PLCXD2: variants seen among roughly 807,000 people sequenced by gnomAD.
The protein encoded by PLCXD2 is PI-PLC X domain-containing protein 2.
Under a neutral mutation model 28.6 loss-of-function variants are expected in PLCXD2, and 21 were observed. The ratio of observed to expected loss-of-function variants is 0.73; its 90% CI spans 0.52 to 1.06. The LOEUF (loss-of-function observed/expected upper bound fraction) is 1.06. PLCXD2 is among the 50% of genes least tolerant of loss of function. The pLI is 0.00. For synonymous variants in PLCXD2, 140 were observed against 150.1 expected, an observed-to-expected ratio of 0.93 and a Z score of 0.49; for missense variants, 369 against 376.7, an observed-to-expected ratio of 0.98 and a Z score of 0.17.
At chr3:111,699,677 C>T (rs1053177616) in intron 1 of PLCXD2, among the ~76,000 whole-genome samples, 4 of 152,148 alleles carry the variant, frequency 2.6e-5, no homozygotes, top group South Asian at 2.1e-4. Flanking sequence ...TCTCTCTTCC[C>T]GTGTGACTTT....
At chr3:111,696,433 G>T (rs1460721758) in intron 1 of PLCXD2, among the ~76,000 whole-genome samples, 2 of 152,030 alleles carry the variant, frequency 1.3e-5, no homozygotes, top group Non-Finnish European at 2.9e-5. Context: ...AATTTGCCTA[G>T]AATTTTTTTT....
intron 1 of PLCXD2, among the ~76,000 whole-genome samples, chr3:111,681,693 A>T (rs1940717662): frequency 6.6e-6 from 1 of 152,174 alleles, no homozygotes; most frequent in South Asian, 2.1e-4. Flanking sequence ...CCAGTCATAA[A>T]TATCTTGCAA....
chr3:111,700,422 C>T (rs1417866293), intron 1 of PLCXD2, among the ~76,000 whole-genome samples: 1 of 152,020 alleles, frequency 6.6e-6, no homozygotes, highest in Non-Finnish European at 1.5e-5. Flanking sequence ...TAAAATTAGT[C>T]CTATGCATAT....
chr3:111,684,522 C>A (rs970753725), intron 1 of PLCXD2, among the ~76,000 whole-genome samples: 1 of 151,724 alleles, frequency 6.6e-6, no homozygotes, highest in African/African-American at 2.4e-5. Flanking sequence ...GGCATGATGG[C>A]GGGCGTCTGT....
chr3:111,697,290 A>G (rs1306326736), intron 1 of PLCXD2, among the ~76,000 whole-genome samples: 1 of 152,198 alleles, frequency 6.6e-6, no homozygotes, highest in Non-Finnish European at 1.5e-5. Flanking sequence ...GCTGTGCATT[A>G]GCGCTCTCAA....
rs72939585 is a variant in PLCXD2 at position 111,698,916 on chromosome 3, A to G, written c.164-9010A>G. On this transcript the variant is annotated intron_variant, in intron 1 of 4. Transcript: ENST00000477665. ...ACTCAGATGTATCTGTACTTTGTAC[A>G]TAGAAGAATAAGATTTTTCACTCCC... Among the ~76,000 whole-genome samples, 1,440 of 152,286 alleles carry G rather than the reference A, an allele frequency of 9.5e-3. 35 individuals carry two copies. Among genetic ancestry groups the G allele is most frequent in the African/African-American group, 0.032 (1,342 of 41,562 alleles).
chr3:111,675,115 C>T lies in PLCXD2; in HGVS notation c.-131C>T, dbSNP rs1267352989. 6.3e-6 allele frequency: 7 copies of T among 1,111,792 alleles called. No individual in the cohort carries two copies. In the African/African-American group the frequency reaches 9.4e-5, roughly 15 times the overall value. The allele number at this position is 1,111,792 out of a possible 1,614,324, so 68.9% of individuals were successfully genotyped here. ...AAGGATCCATCTGTTTGCCCCGTCC[C>T]CCAGCCAGAAAGGCATTTTGGAAAG... On this transcript the variant is annotated 5_prime_UTR_variant, in exon 1 of 5. Coordinates refer to ENST00000477665, the MANE Select transcript of PLCXD2 (RefSeq NM_001185106.1).
intron 1 of PLCXD2, 44 bp from the exon 2 acceptor site, chr3:111,707,882 G>A (rs759150806): frequency 1.3e-6 from 2 of 1,522,564 alleles, no homozygotes; most frequent in Admixed American, 4.2e-5. Flanking sequence ...ATTTTTCCCA[G>A]CTCCCGTCTC....
intron 1 of PLCXD2, among the ~76,000 whole-genome samples, chr3:111,676,351 C>T (rs1201284907): frequency 3.3e-5 from 5 of 152,114 alleles, no homozygotes; most frequent in Non-Finnish European, 7.4e-5. Context: ...CCAAGTATTC[C>T]CTAGACCCGT....
intron 1 of PLCXD2, among the ~76,000 whole-genome samples, chr3:111,677,692 G>A (rs1308113176): frequency 6.6e-6 from 1 of 152,204 alleles, no homozygotes; most frequent in Admixed American, 6.5e-5. Flanking sequence ...GCAAAACCCA[G>A]GCACTGTCTC....
At chr3:111,692,296 G>A (rs1056189234) in intron 1 of PLCXD2, among the ~76,000 whole-genome samples, 17 of 152,330 alleles carry the variant, frequency 1.1e-4, no homozygotes, top group African/African-American at 4.1e-4. Context: ...GCCCGCCTCG[G>A]CCTCCCAAAG....
chr3:111,725,809 AC>A (rs1342806759), intron 3 of PLCXD2: 2 of 398,464 alleles, frequency 5.0e-6, no homozygotes, highest in Non-Finnish European at 8.8e-6. Context: ...AAGCCCATCA[AC>A]AGTCTAGAGG....
chr3:111,702,965 A>G (rs553229024), intron 1 of PLCXD2, among the ~76,000 whole-genome samples: 2 of 152,226 alleles, frequency 1.3e-5, no homozygotes, highest in Admixed American at 1.3e-4. Flanking sequence ...GAATGGGGGG[A>G]CATTGTTAGC....
chr3:111,702,544 A>G (rs887040991), intron 1 of PLCXD2, among the ~76,000 whole-genome samples: 2 of 152,236 alleles, frequency 1.3e-5, no homozygotes, highest in African/African-American at 2.4e-5. Context: ...TAAAGAAGCC[A>G]TAGAGAGAGG....
chr3:111,714,792 G>A (rs865955716), intron 3 of PLCXD2, among the ~76,000 whole-genome samples: 17 of 152,296 alleles, frequency 1.1e-4, no homozygotes, highest in African/African-American at 4.1e-4. Context: ...ATATATGTGA[G>A]TGTGTGTATG....
chr3:111,726,011 C>T, intron 3 of PLCXD2: 1 of 396,404 alleles, frequency 2.5e-6, no homozygotes, highest in Middle Eastern at 6.3e-4. Context: ...TTACTCTTTT[C>T]AAATGCATTA....
At chr3:111,697,378 T>C (rs1163546202) in intron 1 of PLCXD2, among the ~76,000 whole-genome samples, 1 of 152,084 alleles carries the variant, frequency 6.6e-6, no homozygotes, top group African/African-American at 2.4e-5. Flanking sequence ...TCGAGAGGCC[T>C]AAAAAGAAAA....
chr3:111,698,937 C>T (rs1409874132), intron 1 of PLCXD2, among the ~76,000 whole-genome samples: 1 of 152,182 alleles, frequency 6.6e-6, no homozygotes, highest in East Asian at 1.9e-4. Flanking sequence ...AGATTTTTCA[C>T]TCCCTAAGAA....
intron 3 of PLCXD2, among the ~76,000 whole-genome samples, chr3:111,715,591 T>G (rs1244198482): frequency 1.3e-5 from 2 of 152,244 alleles, no homozygotes; most frequent in Non-Finnish European, 2.9e-5. Flanking sequence ...ATTCTGAATA[T>G]CAAATGGCTT....
Sources: allele counts gnomAD v4.1 joint callset (sites outside exome capture counted in the v4.1 genomes callset), GRCh38; gene constraint gnomAD v4.1.1; transcripts MANE v1.5; gene names NCBI Gene and HGNC (gene_info 2026-07-23, HGNC 2026-07-21).